The following NEMF variants were observed in gnomAD, a reference collection of about 807,000 sequenced individuals.
NEMF encodes the protein nuclear export mediator factor, also known as ribosome quality control complex subunit NEMF.
NEMF carries 89 observed loss-of-function variants against 162.2 expected under a neutral mutation model. The observed-to-expected ratio is 0.55, with a 90% CI of 0.46 to 0.65. NEMF has a LOEUF of 0.65. Ranked by LOEUF, NEMF falls within the 30% of genes least tolerant of loss-of-function variation. The probability of loss-of-function intolerance (pLI) is 0.00; values close to 1 mark genes in which losing one functional copy is unlikely to be tolerated. For missense variants in NEMF, 1,133 were observed against 1,261.9 expected, an observed-to-expected ratio of 0.90 and a Z score of 1.55; for synonymous variants, 421 against 404.5, an observed-to-expected ratio of 1.04 and a Z score of -0.49.
chr14:49,825,132 A>C (rs1272337400), intron 16 of NEMF, among the ~76,000 whole-genome samples: 1 of 152,198 alleles, frequency 6.6e-6, no homozygotes, highest in Non-Finnish European at 1.5e-5. Context: ...AAGGAAAAAG[A>C]AAACAGAATT....
chr14:49,789,213 GTTTC>G lies in NEMF; in HGVS notation c.2824_2827del (p.Glu942LeufsTer7), dbSNP rs759577392. On this transcript the variant is annotated frameshift_variant, in exon 28 of 33. Coordinates refer to ENST00000298310, the MANE Select transcript of NEMF (RefSeq NM_004713.6). LOFTEE classifies it high-confidence loss of function. ...ATGAGTTATAACCTCAAGGAACGGA[GTTTC>G]TTTCTTAATGTTGTCAGAGACCCTC... 4 of 1,614,026 alleles carry G rather than the reference GTTTC, an allele frequency of 2.5e-6. No individual in the cohort carries two copies. The highest frequency in any genetic ancestry group is 3.4e-6 in the Non-Finnish European group (4 of 1,180,012).
At chr14:49,803,199 T>C (rs1408982174) in intron 20 of NEMF, 38 bp downstream of exon 20, 2 of 1,398,940 alleles carry the variant, frequency 1.4e-6, no homozygotes, top group African/African-American at 2.8e-5. Flanking sequence ...CATAATCCAT[T>C]GACAAGTCTA....
At chr14:49,847,488 G>C (rs904524845) in intron 3 of NEMF, among the ~76,000 whole-genome samples, 5 of 152,122 alleles carry the variant, frequency 3.3e-5, no homozygotes, top group African/African-American at 1.2e-4. Flanking sequence ...ACAGGCGTGA[G>C]CCACCACACC....
In NEMF at chr14:49,802,680, A is replaced by G; in HGVS notation, c.1963T>C (p.Phe655Leu). The G allele has an allele frequency of 6.2e-7, 1 of 1,612,856 alleles. No homozygotes were observed. The highest frequency in any genetic ancestry group is 8.5e-7 in the Non-Finnish European group (1 of 1,179,456). Residue 655 changes from phenylalanine (F) to leucine (L), a missense_variant, in exon 21 of 33, where the codon TTC becomes CTC. Coordinates refer to ENST00000298310, the MANE Select transcript of NEMF (RefSeq NM_004713.6). ...AAGTTGAAGAGTACCTTAAAAAGGA[A>G]GCTAAACCCCATCATTAGATATGAG... is the stretch of plus-strand genomic sequence containing the variant. ...PPSYLMMGFS[F>L]LFKVDESCVW...
At chr14:49,829,886 T>C (rs1034300703) in intron 11 of NEMF, among the ~76,000 whole-genome samples, 5 of 152,154 alleles carry the variant, frequency 3.3e-5, no homozygotes, top group Non-Finnish European at 7.4e-5. Context: ...ATTACAGGCC[T>C]GAGCCACTGC....
chr14:49,788,811 CCT>C (rs1405792510), intron 28 of NEMF, among the ~76,000 whole-genome samples: 9 of 152,208 alleles, frequency 5.9e-5, no homozygotes, highest in African/African-American at 1.7e-4. Flanking sequence ...CCTGCCTTGG[CCT>C]CTCAAAGTGC....
At chr14:49,835,356 G>A (rs1468704331) in intron 6 of NEMF, among the ~76,000 whole-genome samples, 3 of 152,122 alleles carry the variant, frequency 2.0e-5, no homozygotes, top group Non-Finnish European at 4.4e-5. Flanking sequence ...TGCAAGGTTG[G>A]TTTGGCAACC....
At chr14:49,818,766 T>C (rs763936092) in intron 16 of NEMF, among the ~76,000 whole-genome samples, 1 of 151,892 alleles carries the variant, frequency 6.6e-6, no homozygotes, top group Non-Finnish European at 1.5e-5. Context: ...CAGCCTATTA[T>C]TTCCACTGGG....
At chr14:49,844,847 C>G (rs1369953320) in intron 4 of NEMF, 2 of 403,466 alleles carry the variant, frequency 5.0e-6, no homozygotes, top group Non-Finnish European at 1.0e-5. Flanking sequence ...CAGCTCACTG[C>G]AACCACTGCC....
At chr14:49,812,332 T>C (rs1454174689) in intron 18 of NEMF, among the ~76,000 whole-genome samples, 1 of 152,168 alleles carries the variant, frequency 6.6e-6, no homozygotes, top group African/African-American at 2.4e-5. Flanking sequence ...CAAGGGTTTA[T>C]CAATTTTGTT....
At chr14:49,785,359 C>A in intron 29 of NEMF, 39 bp from the exon 30 acceptor site, 1 of 1,391,080 alleles carries the variant, frequency 7.2e-7, no homozygotes, top group Non-Finnish European at 1.0e-6. Context: ...GCAATTTATA[C>A]CGCCCTTTAC....
chr14:49,830,167 G>C (rs1892567865), intron 11 of NEMF, among the ~76,000 whole-genome samples: 2 of 151,996 alleles, frequency 1.3e-5, no homozygotes, highest in Admixed American at 6.6e-5. Context: ...TTAAAATTTA[G>C]ATAAGAATGA....
At position 49,802,743 on chromosome 14, in the gene NEMF, T is replaced by C. The variant is rs1891013814; in HGVS notation, c.1916-16A>G. ...TTCTTTTTTCCTACAAAAGATAACG[T>C]ACATTAATGCTTTGAAAATCAGTCT... is the stretch of plus-strand genomic sequence containing the variant. On this transcript the variant is annotated splice_polypyrimidine_tract_variant and intron_variant, in intron 20 of 32. Coordinates refer to ENST00000298310, the MANE Select transcript of NEMF (RefSeq NM_004713.6). 1 of 1,589,710 alleles carries C rather than the reference T, an allele frequency of 6.3e-7. No individual in the cohort carries two copies. Among genetic ancestry groups the C allele is most frequent in the Admixed American group, 1.7e-5 (1 of 57,720 alleles).
At chr14:49,798,800 G>C (rs942708399) in intron 25 of NEMF, among the ~76,000 whole-genome samples, 2 of 151,976 alleles carry the variant, frequency 1.3e-5, no homozygotes, top group African/African-American at 4.8e-5. Flanking sequence ...CCAGCTACTC[G>C]GGAGGCTGAG....
At chr14:49,852,110 A>C (rs1009767649) in intron 1 of NEMF, among the ~76,000 whole-genome samples, 4 of 152,204 alleles carry the variant, frequency 2.6e-5, no homozygotes, top group African/African-American at 9.7e-5. Context: ...TGCGTCTTCC[A>C]AATGACCCAA....
chr14:49,792,973 CCT>C (rs1453197258), intron 26 of NEMF, among the ~76,000 whole-genome samples: 7 of 151,910 alleles, frequency 4.6e-5, no homozygotes, highest in Non-Finnish European at 1.0e-4. Context: ...AGAGTGACAC[CCT>C]GTCTCAAAAA....
At chr14:49,831,446 C>CA in intron 10 of NEMF, 85 bp from the exon 11 acceptor site, 1 of 640,676 alleles carries the variant, frequency 1.6e-6, no homozygotes, top group Non-Finnish European at 2.5e-6. Context: ...TTTTTTTTTT[C>CA]TTTTTTTTTG....
At chr14:49,797,616 A>C (rs1161449841) in intron 25 of NEMF, among the ~76,000 whole-genome samples, 1 of 152,226 alleles carries the variant, frequency 6.6e-6, no homozygotes, top group Non-Finnish European at 1.5e-5. Flanking sequence ...AGCCTGGGCC[A>C]CAGAGCGAGA....
rs183665397 is a variant in NEMF at position 49,846,305 on chromosome 14, G to C, written c.232-40C>G. 7.7e-4 allele frequency: 1,225 copies of C among 1,595,096 alleles called. 5 individuals carry two copies. In the East Asian group the frequency reaches 0.013, roughly 17 times the overall value. ...AAAAAGGCATTCATTTAGTAAAAGTGAATTCCTAACCATTTGGTATTGGTT... is the reference window on the plus strand; with the variant it reads ...AAAAAGGCATTCATTTAGTAAAAGTCAATTCCTAACCATTTGGTATTGGTT... On this transcript the variant is annotated intron_variant, in intron 3 of 32. Coordinates refer to ENST00000298310, the MANE Select transcript of NEMF (RefSeq NM_004713.6).
Sources: allele counts gnomAD v4.1 joint callset (sites outside exome capture counted in the v4.1 genomes callset), GRCh38; gene constraint gnomAD v4.1.1; transcripts MANE v1.5; gene names NCBI Gene and HGNC (gene_info 2026-07-23, HGNC 2026-07-21).